The following HUWE1 variants were observed in gnomAD, a reference collection of about 807,000 sequenced individuals.
HUWE1 encodes the protein E3 ubiquitin-protein ligase HUWE1.
A neutral mutation model predicts 299.4 loss-of-function variants in HUWE1; 18 were observed. That is an observed-to-expected ratio of 0.06 (90% CI 0.04 to 0.09). HUWE1 has a LOEUF of 0.09. Ranked by LOEUF, HUWE1 falls within the 10% of genes least tolerant of loss-of-function variation. The probability of loss-of-function intolerance (pLI) is 1.00; values close to 1 mark genes in which losing one functional copy is unlikely to be tolerated. For synonymous variants in HUWE1, 1,317 were observed against 1,286.1 expected (o/e 1.02, Z -0.51); for missense variants, 1,832 against 3,462.3 (o/e 0.53, Z 11.82).
intron 77 of HUWE1, 66 bp from the exon 78 acceptor site, chrX:53,537,762 A>C: frequency 9.4e-7 from 1 of 1,067,913 alleles, no homozygotes; most frequent in South Asian, 2.0e-5. Flanking sequence ...TTGTGTGATT[A>C]GGAAGAAGAC....
chrX:53,578,948 G>A (rs1556963255), intron 43 of HUWE1, among the ~76,000 whole-genome samples: 18 of 64,180 alleles, frequency 2.8e-4, no homozygotes, highest in Non-Finnish European at 4.3e-4. Flanking sequence ...TCCGGGAGGT[G>A]AGGGGCGCCT....
At chrX:53,683,344 G>A (rs1356123815) in intron 2 of HUWE1, among the ~76,000 whole-genome samples, 2 of 111,113 alleles carry the variant, frequency 1.8e-5, no homozygotes, top group Non-Finnish European at 3.8e-5. Flanking sequence ...CTCTAAAACC[G>A]CGAGAGTTGG....
At chrX:53,625,832 A>ACCGGGGCCGGGG (rs782218504) in intron 17 of HUWE1, 3 of 129,200 alleles carry the variant, frequency 2.3e-5, no homozygotes, top group Non-Finnish European at 3.4e-5. Flanking sequence ...CGGGACCAGG[A>ACCGGGGCCGGGG]CCGGGGCCGG....
rs369446195 is a variant in HUWE1 at position 53,552,877 on chromosome X, C to G, written c.8511G>C (p.Glu2837Asp). 4 of 1,210,084 alleles carry G rather than the reference C, an allele frequency of 3.3e-6. No homozygotes were observed. In the African/African-American group the frequency reaches 7.0e-5, roughly 21 times the overall value. The change falls in exon 62 of 84, where the codon GAG becomes GAC. Residue 2837 changes from glutamate (E) to aspartate (D), a missense_variant. Transcript: ENST00000262854. ...PAPTITSLSP[E>D]RAEDSDALTA... Reference sequence around the variant, plus strand: ...TCAGTGCATCAGAATCCTCAGCTCTCTCTGGGGAAAGTGAGGCTAGGAAGA... The same window carrying G: ...TCAGTGCATCAGAATCCTCAGCTCTGTCTGGGGAAAGTGAGGCTAGGAAGA...
At chrX:53,561,337 G>C (rs1002908612) in intron 55 of HUWE1, among the ~76,000 whole-genome samples, 1 of 112,487 alleles carries the variant, frequency 8.9e-6, no homozygotes, top group Non-Finnish European at 1.9e-5. Flanking sequence ...AATAGAGTGA[G>C]TATGTTCAAA....
At chrX:53,592,327 A>G in intron 33 of HUWE1, 71 bp downstream of exon 33, 2 of 757,852 alleles carry the variant, frequency 2.6e-6, no homozygotes, top group South Asian at 4.1e-5. Flanking sequence ...ATGTGAGCTT[A>G]GAAAATCCGT....
At chrX:53,562,730 A>G in intron 53 of HUWE1, 101 bp downstream of exon 53, 1 of 627,054 alleles carries the variant, frequency 1.6e-6, no homozygotes, top group Non-Finnish European at 2.7e-6. Context: ...ATGCTTCCTT[A>G]TTCTGCACAT....
chrX:53,629,491 G>A, intron 13 of HUWE1, 25 bp downstream of exon 13: 2 of 1,002,372 alleles, frequency 2.0e-6, no homozygotes, highest in Non-Finnish European at 2.8e-6. Context: ...ACAGCTAAGG[G>A]TTACTCAACC....
Position 53,604,780 on chromosome X carries a change from T to C in HUWE1, c.2551A>G (p.Ile851Val). 8.3e-7 allele frequency: 1 copy of C among 1,210,048 alleles called. No individual in the cohort carries two copies. Among genetic ancestry groups the C allele is most frequent in the Non-Finnish European group, 1.1e-6 (1 of 893,715 alleles). Reference sequence around the variant, plus strand: ...TGTAAGGGCTCCAGGGAGGAGAGGATGGAGTCCAACTGAAGGAGACCCTCT... The same window carrying C: ...TGTAAGGGCTCCAGGGAGGAGAGGACGGAGTCCAACTGAAGGAGACCCTCT... ...LQEGLLQLDS[I>V]LSSLEPLHRP... The change falls in exon 26 of 84, where the codon ATC becomes GTC. Residue 851 changes from isoleucine to valine, a missense_variant. Coordinates refer to ENST00000262854, the MANE Select transcript of HUWE1 (RefSeq NM_031407.7).
chrX:53,659,458 GTA>G (rs2068895136), intron 3 of HUWE1, among the ~76,000 whole-genome samples: 1 of 111,966 alleles, frequency 8.9e-6, no homozygotes, highest in South Asian at 3.7e-4. Flanking sequence ...GCTACATACT[GTA>G]TGATTCCAAC....
At chrX:53,598,165 G>T (rs782573347) in intron 29 of HUWE1, among the ~76,000 whole-genome samples, 1 of 111,885 alleles carries the variant, frequency 8.9e-6, no homozygotes, top group African/African-American at 3.2e-5. Context: ...TGAGGAAGAA[G>T]ATGTAGAAGC....
In HUWE1 at chrX:53,554,814, T is replaced by A. The variant is rs782530883; in HGVS notation, c.8313A>T (p.Gln2771His). 5.3e-5 allele frequency: 64 copies of A among 1,209,374 alleles called. No homozygotes were observed. Among genetic ancestry groups the A allele is most frequent in the Non-Finnish European group, 6.9e-5 (62 of 895,020 alleles). The change falls in exon 61 of 84, where the codon CAA becomes CAT. Residue 2771 changes from glutamine to histidine, a missense_variant. Gln to His is a conservative substitution (Grantham distance 24). Coordinates refer to ENST00000262854, the MANE Select transcript of HUWE1 (RefSeq NM_031407.7). ...AAGCTGGTGGGGTTGGGAGTGTTGG[T>A]TGCTGTTGTGAGGATTGCAGAGTGC... ...TLGTLQSSQQQPTLPTPPALG... is the reference protein window; with the variant it reads ...TLGTLQSSQQHPTLPTPPALG...
chrX:53,554,589 T>G (rs1556932330), intron 61 of HUWE1, 44 bp downstream of exon 61: 1 of 1,165,301 alleles, frequency 8.6e-7, no homozygotes, highest in Admixed American at 2.2e-5. Flanking sequence ...ACATCCTTTC[T>G]TCCCTCTTGT....
intron 2 of HUWE1, 32 bp from the exon 3 acceptor site, chrX:53,680,218 G>A: frequency 3.4e-6 from 1 of 295,065 alleles, no homozygotes; most frequent in Non-Finnish European, 5.9e-6. Flanking sequence ...AGAGGAGTGA[G>A]ATACACAACA....
chrX:53,565,412 C>G (rs1179865047), intron 49 of HUWE1, among the ~76,000 whole-genome samples, 173 bp from the exon 50 acceptor site: 1 of 111,523 alleles, frequency 9.0e-6, no homozygotes, highest in African/African-American at 3.3e-5. Flanking sequence ...TAAATGTCTT[C>G]AAGGAACCCA....
chrX:53,558,635 T>C lies in HUWE1; in HGVS notation c.8160+20A>G, dbSNP rs1258393552. On this transcript the variant is annotated intron_variant, in intron 59 of 83. Transcript: ENST00000262854. ...GGCAGACACAGTCAAAGATGAATCCTCCCAGCCCTTGGGAATCACCTGTGC... is the reference window on the plus strand; with the variant it reads ...GGCAGACACAGTCAAAGATGAATCCCCCCAGCCCTTGGGAATCACCTGTGC... 6.7e-6 allele frequency: 8 copies of C among 1,202,372 alleles called. No individual in the cohort carries two copies. Among genetic ancestry groups the C allele is most frequent in the Non-Finnish European group, 9.0e-6 (8 of 888,029 alleles).
At chrX:53,634,065 G>A (rs953079325) in intron 8 of HUWE1, among the ~76,000 whole-genome samples, 171 bp downstream of exon 8, 18 of 111,762 alleles carry the variant, frequency 1.6e-4, no homozygotes, top group African/African-American at 5.9e-4. Flanking sequence ...CCCAAGCACT[G>A]CTAGACTGCT....
intron 66 of HUWE1, 81 bp downstream of exon 66, chrX:53,550,585 G>T: frequency 1.1e-6 from 1 of 902,201 alleles, no homozygotes; most frequent in Non-Finnish European, 1.6e-6. Flanking sequence ...CAGGATTTCA[G>T]CTTCTCCACC....
Position 53,559,472 on chromosome X carries a change from T to G in HUWE1, c.7797A>C (p.Gln2599His). The G allele has an allele frequency of 8.3e-7, 1 of 1,210,545 alleles. No homozygotes were observed. Among genetic ancestry groups the G allele is most frequent in the Non-Finnish European group, 1.1e-6 (1 of 894,844 alleles). The change falls in exon 57 of 84, where the codon CAA (glutamine) becomes CAC (histidine). Residue 2599 changes from glutamine (Q) to histidine (H), a missense_variant. Around this residue, in one of 15 missense-constraint regions of HUWE1, gnomAD observed 170 missense variants for 335.8 expected, o/e 0.51. Transcript: ENST00000262854. ...CCAGGAGGCGGGCCCGACCCCGGCT[T>G]TGTAGGGGAAGGCTGCTGCTCAGCT... ...ILQLSSSLPL[Q>H]SRGRARLLVG...
Sources: allele counts gnomAD v4.1 joint callset (sites outside exome capture counted in the v4.1 genomes callset), GRCh38; gene constraint gnomAD v4.1.1; regional missense constraint gnomAD v4.1.1; transcripts MANE v1.5; gene names NCBI Gene and HGNC (gene_info 2026-07-23, HGNC 2026-07-21).